Variants in VAV3 observed in about 807,000 individuals in gnomAD.
VAV3 encodes vav guanine nucleotide exchange factor 3.
Under a neutral mutation model 131.2 loss-of-function variants are expected in VAV3, and 94 were observed. The ratio of observed to expected loss-of-function variants is 0.72; its 90% CI spans 0.61 to 0.85. VAV3 has a LOEUF of 0.85. VAV3 is among the 40% of genes least tolerant of loss of function. The pLI is 0.00. For synonymous variants in VAV3, 349 were observed against 342.0 expected, an observed-to-expected ratio of 1.02 and a Z score of -0.22; for missense variants, 939 against 1,002.7, an observed-to-expected ratio of 0.94 and a Z score of 0.86.
chr1:107,812,082 T>G (rs888320026), intron 2 of VAV3, among the ~76,000 whole-genome samples: 3 of 152,210 alleles, frequency 2.0e-5, no homozygotes, highest in African/African-American at 7.2e-5. Flanking sequence ...TTAGAAAATT[T>G]AGGCTTAAAA....
At chr1:107,774,029 T>A (rs771527258) in intron 4 of VAV3, among the ~76,000 whole-genome samples, 1 of 152,070 alleles carries the variant, frequency 6.6e-6, no homozygotes, top group Non-Finnish European at 1.5e-5. Flanking sequence ...AGTAAAGGAA[T>A]GAATCATATA....
intron 2 of VAV3, among the ~76,000 whole-genome samples, chr1:107,873,012 C>T (rs1670322128): frequency 6.6e-6 from 1 of 152,102 alleles, no homozygotes; most frequent in Non-Finnish European, 1.5e-5. Flanking sequence ...TTAGATCATA[C>T]AGTTCTAAAG....
chr1:107,635,188 C>T (rs1283978705), intron 20 of VAV3, among the ~76,000 whole-genome samples: 2 of 152,146 alleles, frequency 1.3e-5, no homozygotes, highest in East Asian at 3.9e-4. Context: ...TATTGCATCA[C>T]TATTCACAAT....
At chr1:107,895,342 T>TC (rs549891408) in intron 1 of VAV3, among the ~76,000 whole-genome samples, 511 of 152,296 alleles carry the variant, frequency 3.4e-3, no homozygotes, top group African/African-American at 0.011. Flanking sequence ...TGGTACTTTT[T>TC]CACATTGCTT....
chr1:107,701,224 T>G (rs1660110512), intron 17 of VAV3, among the ~76,000 whole-genome samples: 1 of 152,246 alleles, frequency 6.6e-6, no homozygotes, highest in Admixed American at 6.5e-5. Context: ...GACGGATACC[T>G]AAACTTCAAC....
At chr1:107,878,717 T>G (rs1670626961) in intron 1 of VAV3, among the ~76,000 whole-genome samples, 1 of 152,160 alleles carries the variant, frequency 6.6e-6, no homozygotes, top group South Asian at 2.1e-4. Context: ...AACTCAATCA[T>G]TTAGTTAAGA....
At chr1:107,902,964 AG>A (rs1275197218) in intron 1 of VAV3, among the ~76,000 whole-genome samples, 1 of 152,204 alleles carries the variant, frequency 6.6e-6, no homozygotes, top group Non-Finnish European at 1.5e-5. Flanking sequence ...TTATTAAACC[AG>A]GTTTTCGTTA....
intron 2 of VAV3, among the ~76,000 whole-genome samples, chr1:107,826,479 T>A (rs1156244215): frequency 6.6e-6 from 1 of 152,192 alleles, no homozygotes; most frequent in African/African-American, 2.4e-5. Context: ...TGCATTATAG[T>A]TCACAGTAGA....
chr1:107,953,148 T>C (rs1414601522), intron 1 of VAV3, among the ~76,000 whole-genome samples: 1 of 152,176 alleles, frequency 6.6e-6, no homozygotes, highest in African/African-American at 2.4e-5. Flanking sequence ...TTAGGACAGT[T>C]GGACTCAAGT....
chr1:107,870,334 AGGAG>A (rs1670196204), intron 2 of VAV3, among the ~76,000 whole-genome samples: 1 of 152,140 alleles, frequency 6.6e-6, no homozygotes, highest in East Asian at 1.9e-4. Flanking sequence ...CCATTCTTGC[AGGAG>A]TAAGGTGGTA....
At chr1:107,925,053 T>C (rs962146774) in intron 1 of VAV3, among the ~76,000 whole-genome samples, 2 of 152,162 alleles carry the variant, frequency 1.3e-5, no homozygotes, top group Non-Finnish European at 2.9e-5. Flanking sequence ...ATGAACAAAA[T>C]ATTGCTGCAT....
At chr1:107,827,877 T>G (rs942666783) in intron 2 of VAV3, among the ~76,000 whole-genome samples, 26 of 152,166 alleles carry the variant, frequency 1.7e-4, no homozygotes, top group African/African-American at 6.0e-4. Flanking sequence ...TATCTTGAAT[T>G]TATTTCATAC....
chr1:107,771,253 C>CT (rs34501550), intron 5 of VAV3, among the ~76,000 whole-genome samples: 290 of 135,096 alleles, frequency 2.1e-3, no homozygotes, highest in East Asian at 0.017. Context: ...TTCTTGTCAG[C>CT]TTTTTTTTTT....
chr1:107,603,106 A>G lies in VAV3; in HGVS notation c.2073T>C (p.Asn691=), dbSNP rs773869056. ...QAETELINRV[N]STYLVRHRTK... is the part of the protein sequence containing the mutation. ...TCCTGTGCCTCACAAGGTAAGTACT[A>G]TTTACCCTATTAATAAGTTCGGTCT... The change falls in exon 23 of 27, where the codon AAT becomes AAC. Residue 691 remains asparagine, a synonymous_variant. Coordinates refer to ENST00000370056, the MANE Select transcript of VAV3 (RefSeq NM_006113.5). 2.5e-6 allele frequency: 4 copies of G among 1,613,726 alleles called. No individual in the cohort carries two copies. Among genetic ancestry groups the G allele is most frequent in the Non-Finnish European group, 3.4e-6 (4 of 1,179,820 alleles).
intron 2 of VAV3, among the ~76,000 whole-genome samples, chr1:107,786,006 G>C (rs995671449): frequency 6.6e-6 from 1 of 152,124 alleles, no homozygotes; most frequent in Non-Finnish European, 1.5e-5. Flanking sequence ...CACATCTTAG[G>C]GATTTCCTGA....
chr1:107,849,665 C>A (rs1433575491), intron 2 of VAV3, among the ~76,000 whole-genome samples: 2 of 152,134 alleles, frequency 1.3e-5, no homozygotes, highest in Non-Finnish European at 2.9e-5. Flanking sequence ...CAGGCAGAGG[C>A]AAAGACTTCA....
intron 19 of VAV3, among the ~76,000 whole-genome samples, chr1:107,673,026 C>T (rs1187315642): frequency 6.6e-6 from 1 of 152,060 alleles, no homozygotes; most frequent in Non-Finnish European, 1.5e-5. Flanking sequence ...AGATATTGTA[C>T]CTCTATGACG....
intron 16 of VAV3, 121 bp from the exon 17 acceptor site, chr1:107,704,771 G>A: frequency 1.0e-6 from 1 of 984,890 alleles, no homozygotes; most frequent in Non-Finnish European, 1.5e-6. Flanking sequence ...CTTGGTAGAG[G>A]GAGACGAGCT....
At chr1:107,769,357 T>G (rs1188310579) in intron 6 of VAV3, among the ~76,000 whole-genome samples, 1 of 152,226 alleles carries the variant, frequency 6.6e-6, no homozygotes, top group African/African-American at 2.4e-5. Flanking sequence ...CGTCTAATTT[T>G]CAATATGACC....
Sources: gnomAD v4.1 joint callset for allele counts (sites outside exome capture counted in the v4.1 genomes callset) on GRCh38, gnomAD v4.1.1 for gene constraint, MANE v1.5 for transcripts, NCBI Gene and HGNC (gene_info 2026-07-23, HGNC 2026-07-21) for gene names.